Variants in PBX1 observed in about 807,000 individuals in gnomAD.
PBX1 encodes pre-B-cell leukemia transcription factor 1.
Under a neutral mutation model 53.4 loss-of-function variants are expected in PBX1, and 6 were observed. The ratio of observed to expected loss-of-function variants is 0.11; its 90% CI spans 0.06 to 0.22. PBX1 has a LOEUF of 0.22. Among genes scored for constraint, PBX1 ranks in the 10% least tolerant of loss-of-function variants. The probability of loss-of-function intolerance (pLI) is 1.00; values close to 1 mark genes in which losing one functional copy is unlikely to be tolerated. For missense variants in PBX1, 251 were observed against 551.4 expected (o/e 0.46, Z 5.46); for synonymous variants, 204 against 212.3 (o/e 0.96, Z 0.34).
intron 8 of PBX1, among the ~76,000 whole-genome samples, chr1:164,833,619 C>T (rs1282169560): frequency 1.3e-5 from 2 of 152,172 alleles, no homozygotes; most frequent in African/African-American, 4.8e-5. Flanking sequence ...ATCTTTCATT[C>T]CTCTCTAGAC....
chr1:164,688,268 A>G (rs1308151202), intron 2 of PBX1, among the ~76,000 whole-genome samples: 1 of 152,204 alleles, frequency 6.6e-6, no homozygotes, highest in South Asian at 2.1e-4. Context: ...GTTATTAAAA[A>G]ACATTCCTCA....
chr1:164,649,859 G>C (rs1659683872), intron 2 of PBX1, among the ~76,000 whole-genome samples: 1 of 152,022 alleles, frequency 6.6e-6, no homozygotes, highest in African/African-American at 2.4e-5. Flanking sequence ...AAATATAATG[G>C]CTTTCATGTC....
chr1:164,679,755 G>C (rs1487617634), intron 2 of PBX1, among the ~76,000 whole-genome samples: 3 of 152,176 alleles, frequency 2.0e-5, no homozygotes, highest in Non-Finnish European at 4.4e-5. Context: ...GCACCTGTGA[G>C]TAGCACTATA....
intron 2 of PBX1, among the ~76,000 whole-genome samples, chr1:164,871,687 T>C (rs1336303380): frequency 6.6e-6 from 1 of 152,102 alleles, no homozygotes; most frequent in Non-Finnish European, 1.5e-5. Context: ...CCTGGGAACC[T>C]GTGGGGAGCC....
At chr1:164,577,835 A>T (rs1239667763) in intron 2 of PBX1, among the ~76,000 whole-genome samples, 1 of 152,186 alleles carries the variant, frequency 6.6e-6, no homozygotes, top group Non-Finnish European at 1.5e-5. Context: ...GCCCATTATT[A>T]ATTTCACAGG....
At chr1:164,659,447 G>A (rs1660357218) in intron 2 of PBX1, among the ~76,000 whole-genome samples, 1 of 152,154 alleles carries the variant, frequency 6.6e-6, no homozygotes, top group Non-Finnish European at 1.5e-5. Context: ...TGTTTCCCTT[G>A]TGTTCTTAAA....
intron 2 of PBX1, among the ~76,000 whole-genome samples, chr1:164,598,239 A>G (rs977878938): frequency 1.3e-5 from 2 of 152,224 alleles, no homozygotes; most frequent in Non-Finnish European, 2.9e-5. Flanking sequence ...TATTCAAACC[A>G]TAGCCAGTTT....
intron 2 of PBX1, among the ~76,000 whole-genome samples, chr1:164,579,949 TA>T (rs1371491767): frequency 2.0e-5 from 3 of 152,202 alleles, no homozygotes; most frequent in African/African-American, 7.2e-5. Flanking sequence ...TAAAGTCACA[TA>T]GCTAATGAGA....
intron 2 of PBX1, among the ~76,000 whole-genome samples, chr1:164,576,007 A>G (rs1654206048): frequency 6.6e-6 from 1 of 152,208 alleles, no homozygotes; most frequent in Admixed American, 6.5e-5. Context: ...AAGAAAAAAC[A>G]AAACCCAGCA....
At chr1:164,784,143 C>T (rs1011425389) in intron 2 of PBX1, among the ~76,000 whole-genome samples, 13 of 152,182 alleles carry the variant, frequency 8.5e-5, no homozygotes, top group African/African-American at 2.7e-4. Flanking sequence ...TGGTCCTGGC[C>T]TTCTGTCTTT....
chr1:164,798,682 C>T (rs1402189524), intron 3 of PBX1, among the ~76,000 whole-genome samples: 1 of 152,200 alleles, frequency 6.6e-6, no homozygotes, highest in Non-Finnish European at 1.5e-5. Flanking sequence ...TTTTCAACTC[C>T]ACCTCCAGAG....
At chr1:164,798,517 G>T (rs1272055735) in intron 3 of PBX1, among the ~76,000 whole-genome samples, 1 of 152,236 alleles carries the variant, frequency 6.6e-6, no homozygotes, top group East Asian at 1.9e-4. Context: ...AGAGGAGTAA[G>T]TTCAGACTCT....
In PBX1 at chr1:164,844,115, CTT is replaced by C. The variant is rs773961576; in HGVS notation, c.1201-2453_1201-2452del. Among the ~76,000 whole-genome samples the C allele has an allele frequency of 1.6e-3, 100 of 61,076 alleles. 1 individual carries two copies. Among genetic ancestry groups the C allele is most frequent in the African/African-American group, 4.8e-3 (62 of 12,792 alleles). 40.1% of individuals were successfully genotyped at this position (61,076 alleles called of 152,430 possible). On this transcript the variant is annotated intron_variant, in intron 8 of 8. Transcript: ENST00000420696. ...GCCTTTTTTCTTTCTTTCTTTCTTT[CTT>C]TTTTTTTTTTTTTTTACCAGAATTT...
At chr1:164,741,739 A>T (rs371565811) in intron 2 of PBX1, among the ~76,000 whole-genome samples, 95 of 140,906 alleles carry the variant, frequency 6.7e-4, no homozygotes, top group South Asian at 1.7e-3. Context: ...TGTATGAGTG[A>T]GTGTGTGTGT....
In PBX1 at chr1:164,768,022, G is replaced by C. The variant is rs549298277; in HGVS notation, c.266-24472G>C. Among the ~76,000 whole-genome samples, 357 of 151,580 alleles carry C rather than the reference G, an allele frequency of 2.4e-3. 1 individual carries two copies. Among genetic ancestry groups the C allele is most frequent in the Non-Finnish European group, 4.5e-3 (305 of 67,920 alleles). On this transcript the variant is annotated intron_variant, in intron 2 of 8. Transcript: ENST00000420696. Reference sequence around the variant, plus strand: ...ATATACTTTTTTTTTTTCCACATCAGTAGATGTGCCTACTTAACGAAAACA... The same window carrying C: ...ATATACTTTTTTTTTTTCCACATCACTAGATGTGCCTACTTAACGAAAACA...
intron 2 of PBX1, among the ~76,000 whole-genome samples, chr1:164,576,172 C>T (rs1654218489): frequency 6.6e-6 from 1 of 152,114 alleles, no homozygotes; most frequent in Non-Finnish European, 1.5e-5. Flanking sequence ...GCCACATGGC[C>T]TTGTGCTAAG....
intron 2 of PBX1, among the ~76,000 whole-genome samples, chr1:164,610,222 G>C (rs1398785183): frequency 6.6e-5 from 10 of 152,260 alleles, no homozygotes; most frequent in Middle Eastern, 6.8e-3. Flanking sequence ...AAAGAGATTT[G>C]AGGGACTGGA....
intron 2 of PBX1, chr1:164,674,735 G>GA (rs1661321177): frequency 6.6e-6 from 1 of 150,546 alleles, no homozygotes; most frequent in South Asian, 2.1e-4. Context: ...TACCAAGTTG[G>GA]AAAAAATGAA....
In PBX1 at chr1:164,851,419, G is replaced by A. The variant is rs1445630720; in HGVS notation, c.*4743G>A. ...GATGAGCTTTTCACATCACCTTTAT[G>A]GTTTCAATCCCTAGCTCAAAGCTTC... On this transcript the variant is annotated 3_prime_UTR_variant, in exon 9 of 9. Transcript: ENST00000420696. 2.0e-5 allele frequency: 4 copies of A among 200,406 alleles called. No homozygotes were observed. Among genetic ancestry groups the A allele is most frequent in the Admixed American group, 6.0e-5 (1 of 16,568 alleles). 12.4% of individuals were successfully genotyped at this position (200,406 alleles called of 1,614,324 possible). A position where few individuals can be genotyped will look rare whatever the true frequency, so the allele number is the denominator to read the frequency against.
Sources: gnomAD v4.1 joint callset for allele counts (sites outside exome capture counted in the v4.1 genomes callset) on GRCh38, gnomAD v4.1.1 for gene constraint, MANE v1.5 for transcripts, NCBI Gene and HGNC (gene_info 2026-07-23, HGNC 2026-07-21) for gene names.